RNF19B: variants seen among roughly 807,000 people sequenced by gnomAD.
RNF19B encodes E3 ubiquitin-protein ligase RNF19B.
A neutral mutation model predicts 65.5 loss-of-function variants in RNF19B; 23 were observed. The ratio of observed to expected loss-of-function variants is 0.35; its 90% CI spans 0.25 to 0.50. RNF19B has a LOEUF of 0.50. Among genes scored for constraint, RNF19B ranks in the 20% least tolerant of loss-of-function variants. The pLI, the probability that RNF19B is intolerant of heterozygous loss-of-function variation, is 0.98. For synonymous variants in RNF19B, 372 were observed against 379.6 expected (o/e 0.98, Z 0.23); for missense variants, 794 against 980.0 (o/e 0.81, Z 2.53).
intron 1 of RNF19B, among the ~76,000 whole-genome samples, chr1:32,951,897 T>A (rs981601375): frequency 2.7e-5 from 4 of 150,816 alleles, no homozygotes; most frequent in African/African-American, 9.8e-5. Context: ...CAAATTCAAG[T>A]GATTCTCCTG....
intron 1 of RNF19B, among the ~76,000 whole-genome samples, chr1:32,951,802 CTTTTT>C (rs34519392): frequency 6.9e-6 from 1 of 145,136 alleles, no homozygotes; most frequent in Non-Finnish European, 1.5e-5. Context: ...GACACATATT[CTTTTT>C]TTTTTTTTGA....
At chr1:32,945,190 A>G (rs1642336687) in intron 5 of RNF19B, among the ~76,000 whole-genome samples, 1 of 152,128 alleles carries the variant, frequency 6.6e-6, no homozygotes, top group Non-Finnish European at 1.5e-5. Context: ...AAACAAAAGT[A>G]ATTTTGTTTT....
Position 32,964,071 on chromosome 1 carries a change from C to T in RNF19B, c.615G>A (p.Trp205Ter). 1 of 1,518,488 alleles carries T rather than the reference C, an allele frequency of 6.6e-7. No individual in the cohort carries two copies. The highest frequency in any genetic ancestry group is 8.8e-7 in the Non-Finnish European group (1 of 1,133,598). The allele number at this position is 1,518,488 out of a possible 1,614,324, so 94.1% of individuals were successfully genotyped here. The change falls in exon 1 of 9, where the codon TGG (tryptophan) becomes TGA (stop). Residue 205 changes from tryptophan (W) to a stop codon, truncating the protein, a stop_gained. Transcript: ENST00000235150. LOFTEE classifies it high-confidence loss of function. This position sits in a 1 kb window ranked among gnomAD's most constrained non-coding sequence, Gnocchi z 6.5. ...CTCACCCGCAGTCCGGGGCCGGGCA[C>T]CAGCGGCAGTCGGGGTCCGAGGCTA... The part of the protein sequence containing the change: ...RYLASDPDCR[W>*]CPAPDCGYAV...
At chr1:32,946,328 T>A in intron 4 of RNF19B, 74 bp downstream of exon 4, 2 of 1,328,738 alleles carry the variant, frequency 1.5e-6, no homozygotes, top group Non-Finnish European at 2.1e-6. Flanking sequence ...ACATAGCTCC[T>A]TCCCATTTCC....
chr1:32,938,382 T>G lies in RNF19B; in HGVS notation c.1742+15A>C, dbSNP rs551373168. The G allele has an allele frequency of 2.5e-5, 41 of 1,613,986 alleles. No homozygotes were observed. The South Asian group carries it at 3.8e-4, about 15-fold the overall frequency. ...AAAAATGCAACCTCTCCTGGACATC[T>G]GACTGTTCACATACCTGTCCTGTGG... On this transcript the variant is annotated intron_variant, in intron 8 of 8. Transcript: ENST00000235150.
intron 1 of RNF19B, among the ~76,000 whole-genome samples, chr1:32,953,097 G>C (rs937932812): frequency 1.3e-5 from 2 of 150,702 alleles, no homozygotes; most frequent in African/African-American, 4.9e-5. Flanking sequence ...CCAAGTACCA[G>C]TGCATACCAC....
At chr1:32,959,640 T>C (rs1334695777) in intron 1 of RNF19B, among the ~76,000 whole-genome samples, 1 of 152,152 alleles carries the variant, frequency 6.6e-6, no homozygotes, top group Admixed American at 6.5e-5. Flanking sequence ...CTGAAGACTA[T>C]AAAGAACTAT....
chr1:32,964,556 G>C lies in RNF19B; in HGVS notation c.130C>G (p.Arg44Gly). ...GGCTTGGCCCGGGCGCGGCGGCCGC[G>C]GGCCGAGGCAGAGAAGACGCTGTGC... ...TLHSVFSASA[R>G]GRRARAKPQA... Residue 44 changes from arginine to glycine, a missense_variant, in exon 1 of 9, where the codon CGC (arginine) becomes GGC (glycine). Around this residue, in one of 3 missense-constraint regions of RNF19B, gnomAD observed 374 missense variants for 423.8 expected, o/e 0.88. Coordinates refer to ENST00000235150, the MANE Select transcript of RNF19B (RefSeq NM_001300826.2). This position sits in a 1 kb window ranked among gnomAD's most constrained non-coding sequence, Gnocchi z 6.5. 7.8e-7 allele frequency: 1 copy of C among 1,288,886 alleles called. No individual in the cohort carries two copies. The highest frequency in any genetic ancestry group is 9.9e-7 in the Non-Finnish European group (1 of 1,010,944). The allele number at this position is 1,288,886 out of a possible 1,614,324, so 79.8% of individuals were successfully genotyped here.
At chr1:32,934,987 A>T (rs1366150766), downstream of RNF19B, among the ~76,000 whole-genome samples, 1 of 144,952 alleles carries the variant, frequency 6.9e-6, no homozygotes, top group Non-Finnish European at 1.5e-5. Flanking sequence ...GTGCGCCACC[A>T]CGCCCAGCTA....
chr1:32,964,705 G>A lies in RNF19B; in HGVS notation c.-20C>T. On this transcript the variant is annotated 5_prime_UTR_variant, in exon 1 of 9. Transcript: ENST00000235150. The surrounding 1 kb of genome is among the most constrained non-coding windows in gnomAD (Gnocchi z 6.5). ...GCCCATGGCCGGCAGAGGCCGAGGA[G>A]CCAGGGGCGCCCAGCGCCGCCACAG... is the stretch of plus-strand genomic sequence containing the variant. 3 of 1,425,086 alleles carry A rather than the reference G, an allele frequency of 2.1e-6. No individual in the cohort carries two copies. Among genetic ancestry groups the A allele is most frequent in the Middle Eastern group, 2.5e-4 (1 of 3,990 alleles). 88.3% of individuals were successfully genotyped at this position (1,425,086 alleles called of 1,614,324 possible). A position where few individuals can be genotyped will look rare whatever the true frequency, so the allele number is the denominator to read the frequency against.
intron 6 of RNF19B, among the ~76,000 whole-genome samples, 158 bp downstream of exon 6, chr1:32,943,861 T>C (rs1642298873): frequency 3.3e-5 from 5 of 152,190 alleles, no homozygotes; most frequent in Admixed American, 6.5e-5. Context: ...CTAATAACTT[T>C]GGAACAAAGA....
chr1:32,962,042 G>C (rs931324883), intron 1 of RNF19B, among the ~76,000 whole-genome samples: 9 of 151,262 alleles, frequency 5.9e-5, no homozygotes, highest in Admixed American at 2.6e-4. Flanking sequence ...GCCTGATCTC[G>C]GCTCACTGCA....
chr1:32,950,468 G>C (rs1201776976), intron 1 of RNF19B, among the ~76,000 whole-genome samples: 1 of 152,130 alleles, frequency 6.6e-6, no homozygotes, highest in Non-Finnish European at 1.5e-5. Context: ...TATATTTAGA[G>C]AGATTAGTAT....
At chr1:32,963,993 C>A (rs961054924) in intron 1 of RNF19B, 58 bp downstream of exon 1, 1 of 1,387,864 alleles carries the variant, frequency 7.2e-7, no homozygotes, top group Non-Finnish European at 9.3e-7. Context: ...CCCTGCTGCC[C>A]CCAGCCACGC....
rs1642156767 is a variant in RNF19B, at chr1:32,938,346, G to A, written c.1742+51C>T. The A allele has an allele frequency of 1.9e-6, 3 of 1,609,424 alleles. No individual in the cohort carries two copies. In the Admixed American group the frequency reaches 5.0e-5, roughly 27 times the overall value. ...GAGGCATTGAACTTCTGAAGACCTA[G>A]TACCCAACGAAAAAATGCAACCTCT... On this transcript the variant is annotated intron_variant, in intron 8 of 8. Coordinates refer to ENST00000235150, the MANE Select transcript of RNF19B (RefSeq NM_001300826.2).
rs1442271291 is a variant in RNF19B at position 32,936,456 on chromosome 1, A to T, written c.*350T>A. The T allele has an allele frequency of 5.8e-6, 1 of 171,462 alleles. No homozygotes were observed. Among genetic ancestry groups the T allele is most frequent in the African/African-American group, 2.4e-5 (1 of 42,180 alleles). The allele number at this position is 171,462 out of a possible 1,614,324, so 10.6% of individuals were successfully genotyped here. A position where few individuals can be genotyped will look rare whatever the true frequency, so the allele number is the denominator to read the frequency against. ...CAAGGAAAATGAGGTAAGTTGAATT[A>T]TGACAGAAATCTTTATTAAAATGTG... On this transcript the variant is annotated 3_prime_UTR_variant, in exon 9 of 9. Coordinates refer to ENST00000235150, the MANE Select transcript of RNF19B (RefSeq NM_001300826.2).
At position 32,954,973 on chromosome 1, in the gene RNF19B, C is replaced by G. The variant is rs1186768498; in HGVS notation, c.636-5199G>C. ...CTTACTTCTTGCCCTGACAAGTACCCATTTAAGAACCAACTCAGGTGTCAT... is the reference window on the plus strand; with the variant it reads ...CTTACTTCTTGCCCTGACAAGTACCGATTTAAGAACCAACTCAGGTGTCAT... On this transcript the variant is annotated intron_variant, in intron 1 of 8. Transcript: ENST00000235150. 2.0e-5 allele frequency among the ~76,000 whole-genome samples: 3 copies of G among 152,168 alleles called. No individual in the cohort carries two copies. The East Asian group carries it at 5.8e-4, about 29-fold the overall frequency.
At chr1:32,935,519 A>G (rs1434275513), downstream of RNF19B, among the ~76,000 whole-genome samples, 2 of 152,176 alleles carry the variant, frequency 1.3e-5, no homozygotes, top group Non-Finnish European at 2.9e-5. Flanking sequence ...GATCAGATAA[A>G]TATGTTCAGA....
chr1:32,963,692 T>C (rs1474183812), intron 1 of RNF19B, among the ~76,000 whole-genome samples: 1 of 139,954 alleles, frequency 7.1e-6, no homozygotes, highest in Non-Finnish European at 1.5e-5. Context: ...CACTCCAGCC[T>C]GGGCGGCAGG....
Sources: gnomAD v4.1 joint callset for allele counts (sites outside exome capture counted in the v4.1 genomes callset) on GRCh38, gnomAD v4.1.1 for gene constraint, gnomAD v4.1.1 regional missense constraint, Gnocchi (gnomAD v3.1) non-coding constraint, MANE v1.5 for transcripts, NCBI Gene and HGNC (gene_info 2026-07-23, HGNC 2026-07-21) for gene names.